PSPC1: variants seen among roughly 807,000 people sequenced by gnomAD.
PSPC1 encodes paraspeckle protein 1.
In PSPC1, 14 loss-of-function variants were observed where a neutral mutation model predicts 51.6. The ratio of observed to expected loss-of-function variants is 0.27; its 90% confidence interval spans 0.18 to 0.42. The LOEUF is 0.42. Among genes scored for constraint, PSPC1 ranks in the 10% least tolerant of loss-of-function variants. The probability of loss-of-function intolerance (pLI) is 1.00; values close to 1 mark genes in which losing one functional copy is unlikely to be tolerated. For synonymous variants in PSPC1, 193 were observed against 231.9 expected (o/e 0.83, Z 1.53); for missense variants, 406 against 701.1 (o/e 0.58, Z 4.75).
chr13:19,673,146 G>T (rs529343538), downstream of PSPC1: 1 of 450,776 alleles, frequency 2.2e-6, no homozygotes, highest in Non-Finnish European at 4.4e-6. Context: ...TTTGAACACC[G>T]ACTGGGAAGA....
intron 6 of PSPC1, among the ~76,000 whole-genome samples, chr13:19,687,521 C>A (rs1476094185): frequency 6.6e-6 from 1 of 152,212 alleles, no homozygotes; most frequent in Non-Finnish European, 1.5e-5. Flanking sequence ...CCCCGAGCAT[C>A]AGGATTTCCT....
chr13:19,700,037 A>G (rs1295166891), downstream of PSPC1, among the ~76,000 whole-genome samples: 1 of 151,994 alleles, frequency 6.6e-6, no homozygotes, highest in Non-Finnish European at 1.5e-5. Context: ...CCCTTTTTAA[A>G]GCTTTTACCA....
chr13:19,690,136 T>C (rs534426931), intron 6 of PSPC1, among the ~76,000 whole-genome samples: 9 of 152,352 alleles, frequency 5.9e-5, no homozygotes, highest in South Asian at 4.1e-4. Context: ...CAGTACAATA[T>C]ATCCAATGTA....
chr13:19,768,710 T>C (rs1207590683), intron 2 of PSPC1, among the ~76,000 whole-genome samples: 1 of 150,972 alleles, frequency 6.6e-6, no homozygotes, highest in Non-Finnish European at 1.5e-5. Flanking sequence ...CAAAAAATTT[T>C]AGATATTTCA....
At chr13:19,676,154 A>AATT (rs1262812354) in intron 7 of PSPC1, among the ~76,000 whole-genome samples, 3 of 152,142 alleles carry the variant, frequency 2.0e-5, no homozygotes, top group Non-Finnish European at 2.9e-5. Flanking sequence ...TTATGTACAC[A>AATT]ATTTTTTTTC....
chr13:19,740,612 T>C (rs1446298114), intron 5 of PSPC1, among the ~76,000 whole-genome samples: 1 of 152,244 alleles, frequency 6.6e-6, no homozygotes, highest in African/African-American at 2.4e-5. Flanking sequence ...TTGCTTTAAC[T>C]ATCATAGCTT....
chr13:19,746,561 CCAAAAATA>C (rs1886009625), intron 4 of PSPC1, among the ~76,000 whole-genome samples: 1 of 151,122 alleles, frequency 6.6e-6, no homozygotes, highest in Non-Finnish European at 1.5e-5. Flanking sequence ...CCTGTCTCTA[CCAAAAATA>C]CAAAAATTAG....
intron 6 of PSPC1, among the ~76,000 whole-genome samples, chr13:19,726,674 G>GA (rs1342086920): frequency 6.6e-6 from 1 of 151,982 alleles, no homozygotes; most frequent in Non-Finnish European, 1.5e-5. Context: ...GGAGGATGAG[G>GA]AAAGAGGACT....
At chr13:19,676,672 C>G (rs1385266922) in intron 7 of PSPC1, among the ~76,000 whole-genome samples, 2 of 152,166 alleles carry the variant, frequency 1.3e-5, no homozygotes, top group Non-Finnish European at 2.9e-5. Flanking sequence ...TCAGGCAACA[C>G]TGTCACTCCT....
chr13:19,777,735 G>A (rs182150072), intron 1 of PSPC1, among the ~76,000 whole-genome samples: 2 of 149,730 alleles, frequency 1.3e-5, no homozygotes, highest in Middle Eastern at 3.6e-3. Context: ...ATCACAAGGT[G>A]AGGAGTTTCA....
Position 19,705,837 on chromosome 13 carries a change from T to C in PSPC1, c.1217-6A>G. On this transcript the variant is annotated splice_polypyrimidine_tract_variant and splice_region_variant and intron_variant, in intron 7 of 8. Transcript: ENST00000338910. ...AGGGGCTGGGCTAAACGCATCTATG[T>C]AAAACAATCTATACTTAGAGCTGTC... The C allele has an allele frequency of 6.3e-7, 1 of 1,597,768 alleles. No individual in the cohort carries two copies. The highest frequency in any genetic ancestry group is 1.1e-5 in the South Asian group (1 of 88,820).
intron 6 of PSPC1, among the ~76,000 whole-genome samples, chr13:19,696,925 T>C (rs998463243): frequency 6.6e-6 from 1 of 152,232 alleles, no homozygotes; most frequent in Non-Finnish European, 1.5e-5. Flanking sequence ...CAAAAATGTA[T>C]GATAAATGAA....
At chr13:19,727,880 A>C (rs1883547928) in intron 6 of PSPC1, among the ~76,000 whole-genome samples, 1 of 152,220 alleles carries the variant, frequency 6.6e-6, no homozygotes. Flanking sequence ...GGTAAAGACA[A>C]ACCTAAATGC....
At chr13:19,723,224 G>T (rs762311394) in intron 6 of PSPC1, among the ~76,000 whole-genome samples, 1 of 152,106 alleles carries the variant, frequency 6.6e-6, no homozygotes, top group Non-Finnish European at 1.5e-5. Context: ...AAGGAAAAAA[G>T]AAAACATGAT....
intron 2 of PSPC1, among the ~76,000 whole-genome samples, chr13:19,760,261 C>G (rs1887488970): frequency 6.6e-6 from 1 of 152,186 alleles, no homozygotes; most frequent in Non-Finnish European, 1.5e-5. Context: ...GGAACAGTGG[C>G]TCACACCTGT....
intron 5 of PSPC1, among the ~76,000 whole-genome samples, chr13:19,731,204 G>A (rs546565706): frequency 3.3e-5 from 5 of 152,162 alleles, no homozygotes; most frequent in African/African-American, 9.6e-5. Context: ...TAGAAATTAC[G>A]TGTTATAGCA....
At chr13:19,753,330 G>C (rs1347157212) in intron 3 of PSPC1, among the ~76,000 whole-genome samples, 1 of 148,686 alleles carries the variant, frequency 6.7e-6, no homozygotes, top group Non-Finnish European at 1.5e-5. Flanking sequence ...CAACCTCCCA[G>C]GCTCAAGCAG....
chr13:19,710,882 G>A (rs1881313514), intron 6 of PSPC1, among the ~76,000 whole-genome samples: 1 of 151,358 alleles, frequency 6.6e-6, no homozygotes, highest in South Asian at 2.1e-4. Flanking sequence ...CTGTTGCCCT[G>A]GCTGCAGTGC....
At chr13:19,702,394 A>G (rs1018424896), downstream of PSPC1, 54 of 152,212 alleles carry the variant, frequency 3.5e-4, no homozygotes, top group African/African-American at 1.2e-3. Flanking sequence ...TAACTGTACG[A>G]TAATAATCGG....
Sources: allele counts gnomAD v4.1 joint callset (sites outside exome capture counted in the v4.1 genomes callset), GRCh38; gene constraint gnomAD v4.1.1; transcripts MANE v1.5; gene names NCBI Gene and HGNC (gene_info 2026-07-23, HGNC 2026-07-21).